Variants in LTBP1 observed in about 807,000 individuals in gnomAD.
LTBP1 encodes latent transforming growth factor beta binding protein 1, also known as latent-transforming growth factor beta-binding protein 1.
LTBP1 carries 129 observed loss-of-function variants against 207.6 expected under a neutral mutation model. That is an observed-to-expected ratio of 0.62 (90% confidence interval 0.54 to 0.72). The LOEUF is 0.72. LTBP1 is among the 30% of genes least tolerant of loss of function. The probability of loss-of-function intolerance (pLI) is 0.00; values close to 1 mark genes in which losing one functional copy is unlikely to be tolerated. For missense variants in LTBP1, 2,281 were observed against 2,217.2 expected, an observed-to-expected ratio of 1.03 and a Z score of -0.58; for synonymous variants, 963 against 833.7, an observed-to-expected ratio of 1.16 and a Z score of -2.67.
chr2:33,354,436 C>T (rs182000488), intron 26 of LTBP1, among the ~76,000 whole-genome samples: 1 of 151,912 alleles, frequency 6.6e-6, no homozygotes, highest in East Asian at 1.9e-4. Context: ...TGAATCTATA[C>T]CATATATGTA....
chr2:33,389,381 G>T (rs370719920), intron 32 of LTBP1, 75 bp downstream of exon 32: 1 of 1,585,026 alleles, frequency 6.3e-7, no homozygotes, highest in African/African-American at 1.3e-5. Context: ...AAATGTAATG[G>T]CAACTTGTTA....
intron 26 of LTBP1, among the ~76,000 whole-genome samples, chr2:33,353,950 C>G (rs1459656113): frequency 6.6e-6 from 1 of 151,656 alleles, no homozygotes; most frequent in African/African-American, 2.4e-5. Context: ...AGCTCTGCCT[C>G]CCAGGTTCAC....
At chr2:33,143,801 T>C (rs2082813496) in intron 5 of LTBP1, among the ~76,000 whole-genome samples, 1 of 148,172 alleles carries the variant, frequency 6.7e-6, no homozygotes, top group Non-Finnish European at 1.5e-5. Context: ...TTTTTTTTTT[T>C]CTTTCCTATT....
intron 24 of LTBP1, among the ~76,000 whole-genome samples, chr2:33,323,452 C>G (rs2094384604): frequency 6.6e-6 from 1 of 152,154 alleles, no homozygotes; most frequent in African/African-American, 2.4e-5. Flanking sequence ...GCATGGCCAA[C>G]ATGATGAAAC....
intron 24 of LTBP1, among the ~76,000 whole-genome samples, chr2:33,323,765 C>T (rs1213836412): frequency 2.0e-5 from 3 of 152,156 alleles, no homozygotes; most frequent in African/African-American, 7.2e-5. Flanking sequence ...TCCTGGAGTA[C>T]TAGGAAACAT....
intron 3 of LTBP1, among the ~76,000 whole-genome samples, chr2:33,090,640 T>G (rs1252767026): frequency 6.6e-6 from 1 of 152,138 alleles, no homozygotes; most frequent in Non-Finnish European, 1.5e-5. Context: ...GTTGTGTAAC[T>G]AGGGGGTAGG....
chr2:33,369,618 C>G (rs933856729), intron 31 of LTBP1, among the ~76,000 whole-genome samples: 1 of 152,024 alleles, frequency 6.6e-6, no homozygotes, highest in Non-Finnish European at 1.5e-5. Flanking sequence ...AGTGCAGTGG[C>G]GGGATCTCAG....
At chr2:33,199,301 G>A (rs115677199) in intron 7 of LTBP1, among the ~76,000 whole-genome samples, 3,958 of 152,226 alleles carry the variant, frequency 0.026, 65 homozygotes, top group Middle Eastern at 0.041. Flanking sequence ...CATTTGCCAA[G>A]GAGAGCTTTA....
At chr2:33,138,860 T>C (rs945692605) in intron 5 of LTBP1, among the ~76,000 whole-genome samples, 6 of 129,466 alleles carry the variant, frequency 4.6e-5, no homozygotes, top group African/African-American at 1.9e-4. Context: ...TTTTTTTTTT[T>C]TTTTTTTTTT....
chr2:33,365,434 A>G lies in LTBP1; in HGVS notation c.4642A>G (p.Thr1548Ala). The change falls in exon 31 of 34, where the codon ACT (threonine) becomes GCT (alanine). Residue 1548 changes from threonine to alanine, a missense_variant. By Grantham distance (58) the Thr-to-Ala change is moderately conservative. Transcript: ENST00000404816. ...RPLVGKQTTY[T>A]ECCCLYGEAW... is the part of the protein sequence containing the mutation. ...TCTTGTGGGCAAGCAGACAACGTAC[A>G]CTGAGTGCTGCTGTCTGTATGGAGA... 6.2e-7 allele frequency: 1 copy of G among 1,614,188 alleles called. No homozygotes were observed. The highest frequency in any genetic ancestry group is 1.1e-5 in the South Asian group (1 of 91,080).
intron 17 of LTBP1, 36 bp from the exon 18 acceptor site, chr2:33,275,765 A>C (rs774910849): frequency 6.2e-7 from 1 of 1,613,288 alleles, no homozygotes; most frequent in Non-Finnish European, 8.5e-7. Flanking sequence ...CAGTATTTGG[A>C]ACACAAAACT....
At chr2:33,012,731 G>T (rs567459147) in intron 2 of LTBP1, among the ~76,000 whole-genome samples, 1 of 152,240 alleles carries the variant, frequency 6.6e-6, no homozygotes, top group South Asian at 2.1e-4. Flanking sequence ...CAAATTTAAA[G>T]ATTATTTAGA....
chr2:33,362,137 C>G (rs2150052245), intron 28 of LTBP1, among the ~76,000 whole-genome samples: 1 of 152,244 alleles, frequency 6.6e-6, no homozygotes, highest in South Asian at 2.1e-4. Context: ...TCCTCATTAA[C>G]CACTCACTTT....
rs1413892213 is a variant in LTBP1, at chr2:33,000,291, C to A, written c.566-20618C>A. Among the ~76,000 whole-genome samples, 2 of 134,390 alleles carry A rather than the reference C, an allele frequency of 1.5e-5. 1 individual carries two copies. The highest frequency in any genetic ancestry group is 7.7e-4 in the East Asian group (2 of 2,590). 88.2% of individuals were successfully genotyped at this position (134,390 alleles called of 152,430 possible). ...TCTGAAAGCAATAACTTAAGCCTAC[C>A]CTTAGAATGACCCTATATGGCAGAT... On this transcript the variant is annotated intron_variant, in intron 2 of 33. Coordinates refer to ENST00000404816, the MANE Select transcript of LTBP1 (RefSeq NM_206943.4).
intron 15 of LTBP1, among the ~76,000 whole-genome samples, chr2:33,264,451 G>A (rs559956029): frequency 6.6e-6 from 1 of 152,122 alleles, no homozygotes; most frequent in African/African-American, 2.4e-5. Flanking sequence ...TTAATCATGA[G>A]TGAAATAGCA....
Position 33,249,323 on chromosome 2 carries a change from TCACACACACACACA to T in LTBP1, c.2000-3323_2000-3310del, listed in dbSNP as rs61249844. Among the ~76,000 whole-genome samples the T allele has an allele frequency of 6.3e-3, 889 of 141,418 alleles. 8 individuals are homozygous for T. The highest frequency in any genetic ancestry group is 0.022 in the African/African-American group (831 of 37,678). The allele number at this position is 141,418 out of a possible 152,430, so 92.8% of individuals were successfully genotyped here. On this transcript the variant is annotated intron_variant, in intron 10 of 33. Transcript: ENST00000404816. Reference sequence around the variant, plus strand: ...AGGTCATCTCAGTAGGTCTGATTTTTCACACACACACACACACACACACACACACACACACACAC... The same window carrying T: ...AGGTCATCTCAGTAGGTCTGATTTTTCACACACACACACACACACACACAC...
At chr2:33,320,185 A>T (rs1419026163) in intron 24 of LTBP1, among the ~76,000 whole-genome samples, 2 of 152,156 alleles carry the variant, frequency 1.3e-5, no homozygotes, top group Non-Finnish European at 2.9e-5. Context: ...CTTGGCCAAC[A>T]TGGTGAAACC....
At chr2:33,176,706 T>C (rs2086097934) in intron 5 of LTBP1, among the ~76,000 whole-genome samples, 1 of 152,014 alleles carries the variant, frequency 6.6e-6, no homozygotes, top group Non-Finnish European at 1.5e-5. Context: ...TCCCAAGATG[T>C]GGAGATGGCA....
At chr2:33,341,729 A>AAAATATATATATATATATAT (rs745445793) in intron 24 of LTBP1, among the ~76,000 whole-genome samples, 20 of 93,616 alleles carry the variant, frequency 2.1e-4, no homozygotes, top group South Asian at 7.8e-4. Flanking sequence ...AAAAAAAAAA[A>AAAATATATATATATATATAT]ATATATATAT....
Sources: gnomAD v4.1 joint callset for allele counts (sites outside exome capture counted in the v4.1 genomes callset) on GRCh38, gnomAD v4.1.1 for gene constraint, MANE v1.5 for transcripts, NCBI Gene and HGNC (gene_info 2026-07-23, HGNC 2026-07-21) for gene names.